LMLN: variants seen among roughly 807,000 people sequenced by gnomAD.
LMLN encodes the protein leishmanolysin like peptidase.
In LMLN, 70 loss-of-function variants were observed where a neutral mutation model predicts 92.3. That is an observed-to-expected ratio of 0.76 (90% CI 0.63 to 0.92). The LOEUF (loss-of-function observed/expected upper bound fraction) is 0.92. LMLN is among the 40% of genes least tolerant of loss of function. The probability of loss-of-function intolerance (pLI) is 0.00; values close to 1 mark genes in which losing one functional copy is unlikely to be tolerated. For synonymous variants in LMLN, 308 were observed against 296.2 expected (o/e 1.04, Z -0.41); for missense variants, 691 against 814.6 (o/e 0.85, Z 1.85).
At chr3:198,013,256 C>T (rs1391589555) in intron 11 of LMLN, among the ~76,000 whole-genome samples, 1 of 100,322 alleles carries the variant, frequency 1.0e-5, no homozygotes, top group Non-Finnish European at 1.8e-5. Flanking sequence ...TCAGAGTCCC[C>T]TAACTAGTCT....
intron 1 of LMLN, among the ~76,000 whole-genome samples, chr3:197,966,115 T>A (rs1721052343): frequency 6.6e-6 from 1 of 152,228 alleles, no homozygotes; most frequent in Non-Finnish European, 1.5e-5. Flanking sequence ...CAATCTTGGC[T>A]CACTGCAACC....
intron 13 of LMLN, among the ~76,000 whole-genome samples, chr3:198,022,702 A>G (rs1377938967): frequency 6.6e-6 from 1 of 152,150 alleles, no homozygotes; most frequent in Non-Finnish European, 1.5e-5. Context: ...CAAAAATCCA[A>G]AAAATTAGCC....
intron 1 of LMLN, among the ~76,000 whole-genome samples, chr3:197,973,525 C>T (rs558889720): frequency 6.6e-6 from 1 of 152,264 alleles, no homozygotes; most frequent in Admixed American, 6.5e-5. Flanking sequence ...GCTGGGATTA[C>T]AGGCGTGAGC....
intron 14 of LMLN, among the ~76,000 whole-genome samples, chr3:198,028,710 A>G (rs1449934152): frequency 6.6e-6 from 1 of 152,218 alleles, no homozygotes; most frequent in Non-Finnish European, 1.5e-5. Flanking sequence ...GAAAAATTCA[A>G]AAGATGCAAA....
chr3:197,972,752 A>G (rs983466725), intron 1 of LMLN, among the ~76,000 whole-genome samples: 14 of 151,928 alleles, frequency 9.2e-5, no homozygotes, highest in Non-Finnish European at 4.4e-5. Context: ...TCAAAATTCC[A>G]AACTCTTATC....
chr3:197,989,769 C>T (rs1581148632), intron 8 of LMLN, among the ~76,000 whole-genome samples: 2 of 152,312 alleles, frequency 1.3e-5, no homozygotes, highest in South Asian at 4.2e-4. Context: ...CGCCTGTAAT[C>T]CCAGAGCTTT....
intron 1 of LMLN, among the ~76,000 whole-genome samples, chr3:197,966,654 G>A (rs1721069196): frequency 7.7e-6 from 1 of 130,564 alleles, no homozygotes; most frequent in African/African-American, 4.1e-5. Context: ...GATATTATGA[G>A]TTACATTGAT....
intron 13 of LMLN, among the ~76,000 whole-genome samples, chr3:198,022,346 T>C (rs1276058629): frequency 6.6e-6 from 1 of 152,246 alleles, no homozygotes; most frequent in African/African-American, 2.4e-5. Flanking sequence ...TAAACAGAAA[T>C]GTTCTCACAT....
chr3:198,006,393 TTG>T (rs1722294129), intron 11 of LMLN, among the ~76,000 whole-genome samples: 1 of 152,220 alleles, frequency 6.6e-6, no homozygotes. Flanking sequence ...ATGTACAGGT[TTG>T]TGTGTGAACA....
chr3:198,002,438 TA>T (rs1722199958), intron 11 of LMLN, among the ~76,000 whole-genome samples: 1 of 152,178 alleles, frequency 6.6e-6, no homozygotes, highest in Non-Finnish European at 1.5e-5. Flanking sequence ...CTAGGACATT[TA>T]AAAACTAATG....
At chr3:198,016,415 C>G (rs1560151507) in intron 11 of LMLN, among the ~76,000 whole-genome samples, 1 of 152,174 alleles carries the variant, frequency 6.6e-6, no homozygotes, top group Non-Finnish European at 1.5e-5. Context: ...CCTGCCAGTT[C>G]TCAAATTTTG....
At chr3:197,990,760 T>C (rs1721844316) in intron 9 of LMLN, 84 bp downstream of exon 9, 1 of 617,980 alleles carries the variant, frequency 1.6e-6, no homozygotes, top group African/African-American at 3.2e-5. Context: ...CATTATTGTT[T>C]AAGAACTTAT....
At chr3:197,964,503 A>G (rs1720996360) in intron 1 of LMLN, among the ~76,000 whole-genome samples, 1 of 150,728 alleles carries the variant, frequency 6.6e-6, no homozygotes, top group East Asian at 2.0e-4. Flanking sequence ...GGTTCAAGCT[A>G]TTACCCTGCC....
intron 11 of LMLN, 93 bp downstream of exon 11, chr3:197,999,435 G>A: frequency 1.2e-6 from 1 of 819,588 alleles, no homozygotes; most frequent in Non-Finnish European, 2.1e-6. Flanking sequence ...ATTTTATGCT[G>A]AAGCAAAATA....
intron 11 of LMLN, among the ~76,000 whole-genome samples, chr3:198,008,764 T>G (rs763422446): frequency 6.6e-6 from 1 of 152,226 alleles, no homozygotes. Flanking sequence ...CAGTATATGA[T>G]GAGGTGTTTA....
chr3:198,033,338 T>C (rs1352296779), intron 14 of LMLN, among the ~76,000 whole-genome samples: 1 of 152,156 alleles, frequency 6.6e-6, no homozygotes, highest in East Asian at 1.9e-4. Flanking sequence ...AATCATAAAA[T>C]AGTCTGGTAC....
In LMLN at chr3:197,964,489, C is replaced by T. The variant is rs528265064; in HGVS notation, c.219+4049C>T. Among the ~76,000 whole-genome samples, 21 of 151,084 alleles carry T rather than the reference C, an allele frequency of 1.4e-4. 1 individual carries two copies. Among genetic ancestry groups the T allele is most frequent in the Admixed American group, 1.4e-3 (21 of 15,206 alleles). Reference sequence around the variant, plus strand: ...AATCTCAGCAGAGCAACCTCGGCTTCCTGGGTTCAAGCTATTACCCTGCCT... The same window carrying T: ...AATCTCAGCAGAGCAACCTCGGCTTTCTGGGTTCAAGCTATTACCCTGCCT... On this transcript the variant is annotated intron_variant, in intron 1 of 15. Coordinates refer to ENST00000330198, the Ensembl canonical transcript of LMLN.
chr3:197,985,932 GGTGCTA>G, intron 8 of LMLN, 42 bp downstream of exon 8: 1 of 1,218,332 alleles, frequency 8.2e-7, no homozygotes, highest in South Asian at 1.2e-5. Context: ...CTTTTAGGAG[GGTGCTA>G]AGACTAGAAT....
intron 9 of LMLN, among the ~76,000 whole-genome samples, chr3:197,993,664 A>G (rs376353087): frequency 6.6e-6 from 1 of 152,150 alleles, no homozygotes; most frequent in Admixed American, 6.6e-5. Flanking sequence ...TACTACCCAA[A>G]ACAGTCTACA....
Sources: allele counts gnomAD v4.1 joint callset (sites outside exome capture counted in the v4.1 genomes callset), GRCh38; gene constraint gnomAD v4.1.1; transcripts MANE v1.5; gene names NCBI Gene and HGNC (gene_info 2026-07-23, HGNC 2026-07-21).